NCKAP1: variants seen among roughly 807,000 people sequenced by gnomAD.
The protein encoded by NCKAP1 is NCK associated protein 1, also known as nck-associated protein 1.
A neutral mutation model predicts 151.2 loss-of-function variants in NCKAP1; 21 were observed. That is an observed-to-expected ratio of 0.14 (90% CI 0.10 to 0.20). The LOEUF (loss-of-function observed/expected upper bound fraction) is 0.20, where lower values mean the gene tolerates loss of function less well. Among genes scored for constraint, NCKAP1 ranks in the 10% least tolerant of loss-of-function variants. NCKAP1 has a pLI of 1.00. For synonymous variants in NCKAP1, 484 were observed against 451.8 expected (o/e 1.07, Z -0.90); for missense variants, 933 against 1,352.1 (o/e 0.69, Z 4.86).
In NCKAP1 at chr2:182,952,799, T is replaced by C; in HGVS notation, c.2497A>G (p.Ile833Val). The change falls in exon 22 of 31, where the codon ATA (isoleucine) becomes GTA (valine). Residue 833 changes from isoleucine to valine, a missense_variant. Coordinates refer to ENST00000361354, the MANE Select transcript of NCKAP1 (RefSeq NM_013436.5). ...LTFNAEEYSDISEMRSLSELL... is the reference protein window; with the variant it reads ...LTFNAEEYSDVSEMRSLSELL... The stretch of plus-strand genomic sequence containing the variant: ...GTGGTATAGTACTATTCACCTGATA[T>C]GTCAGAATATTCCTCTGCATTGAAT... The C allele has an allele frequency of 1.2e-6, 2 of 1,604,386 alleles. No individual in the cohort carries two copies. Among genetic ancestry groups the C allele is most frequent in the Non-Finnish European group, 1.7e-6 (2 of 1,175,946 alleles).
chr2:182,971,135 C>T (rs1697678946), intron 15 of NCKAP1, among the ~76,000 whole-genome samples: 1 of 152,068 alleles, frequency 6.6e-6, no homozygotes, highest in Non-Finnish European at 1.5e-5. Context: ...TGGCTCACGC[C>T]TGTAATCCCA....
intron 2 of NCKAP1, among the ~76,000 whole-genome samples, chr2:183,017,079 T>A (rs564181069): frequency 5.9e-5 from 9 of 152,104 alleles, no homozygotes; most frequent in Non-Finnish European, 1.3e-4. Context: ...ATGTTCCATA[T>A]TGGATAAAAA....
chr2:182,990,335 G>A (rs141641406), intron 8 of NCKAP1, among the ~76,000 whole-genome samples: 118 of 152,060 alleles, frequency 7.8e-4, no homozygotes, highest in African/African-American at 2.7e-3. Context: ...ACTGCACCTG[G>A]TCCATATGCT....
intron 2 of NCKAP1, among the ~76,000 whole-genome samples, chr2:183,014,631 TAAAAG>T (rs1698649854): frequency 6.6e-6 from 1 of 152,146 alleles, no homozygotes. Context: ...CTACGAAGAA[TAAAAG>T]AAAGTAAGTA....
chr2:183,015,241 T>C (rs1334803306), intron 2 of NCKAP1, among the ~76,000 whole-genome samples: 1 of 152,148 alleles, frequency 6.6e-6, no homozygotes, highest in Non-Finnish European at 1.5e-5. Flanking sequence ...AAAATAGATG[T>C]GTTTTGGGAT....
At chr2:182,935,266 G>A (rs768915279) in intron 25 of NCKAP1, 27 bp downstream of exon 25, 22 of 1,414,212 alleles carry the variant, frequency 1.6e-5, no homozygotes, top group East Asian at 2.4e-5. Context: ...TTTGGATACC[G>A]AGTATATACT....
At chr2:182,988,077 G>A (rs939390920) in intron 9 of NCKAP1, among the ~76,000 whole-genome samples, 3 of 152,070 alleles carry the variant, frequency 2.0e-5, no homozygotes, top group Non-Finnish European at 2.9e-5. Flanking sequence ...AAAAGTACTC[G>A]GGAAGAAAAG....
Position 182,942,174 on chromosome 2 carries a change from A to G in NCKAP1, c.2602-11T>C. On this transcript the variant is annotated splice_polypyrimidine_tract_variant and intron_variant, in intron 23 of 30. Coordinates refer to ENST00000361354, the MANE Select transcript of NCKAP1 (RefSeq NM_013436.5). ...CTCCACCACAAGTTTCTAAAAAAAA[A>G]AGAAAGATCCTAGGTCAGGCACAGA... 1 of 1,606,990 alleles carries G rather than the reference A, an allele frequency of 6.2e-7. No homozygotes were observed. The highest frequency in any genetic ancestry group is 8.5e-7 in the Non-Finnish European group (1 of 1,175,480).
At position 182,964,865 on chromosome 2, in the gene NCKAP1, T is replaced by C. The variant is rs1349442332; in HGVS notation, c.1629-57A>G. 11 of 1,374,558 alleles carry C rather than the reference T, an allele frequency of 8.0e-6. No homozygotes were observed. In the South Asian group the frequency reaches 1.1e-4, roughly 14 times the overall value. 85.1% of individuals were successfully genotyped at this position (1,374,558 alleles called of 1,614,324 possible). A position where few individuals can be genotyped will look rare whatever the true frequency, so the allele number is the denominator to read the frequency against. On this transcript the variant is annotated intron_variant, in intron 16 of 30. Transcript: ENST00000361354. ...TACATTTAAAGTAAGTTTTCTGATA[T>C]AGTACCTTACAGTTAATTTGATTCA...
At chr2:183,012,956 C>T (rs1177727990) in intron 2 of NCKAP1, among the ~76,000 whole-genome samples, 4 of 151,802 alleles carry the variant, frequency 2.6e-5, no homozygotes, top group Non-Finnish European at 5.9e-5. Context: ...CTTTAAATGG[C>T]CCATCATTAT....
At chr2:182,955,056 T>C (rs1697297173) in intron 20 of NCKAP1, among the ~76,000 whole-genome samples, 1 of 152,172 alleles carries the variant, frequency 6.6e-6, no homozygotes, top group African/African-American at 2.4e-5. Context: ...TTCTAGGGCA[T>C]TCTGGGTTTT....
Position 182,957,441 on chromosome 2 carries a change from A to AT in NCKAP1, c.2021+15dup. On this transcript the variant is annotated intron_variant, in intron 19 of 30. Transcript: ENST00000361354. ...TTTACCTGGAGCAAAAAGGTATAAT[A>AT]TAAGTGGATACTTACTTGGTCACAA... 1 of 1,606,878 alleles carries AT rather than the reference A, an allele frequency of 6.2e-7. No individual in the cohort carries two copies. The highest frequency in any genetic ancestry group is 8.5e-7 in the Non-Finnish European group (1 of 1,178,114).
intron 2 of NCKAP1, 69 bp downstream of exon 2, chr2:183,023,737 C>T: frequency 1.6e-6 from 2 of 1,216,810 alleles, no homozygotes; most frequent in East Asian, 2.3e-5. Flanking sequence ...CTACTATAAG[C>T]ACTGTGTTGA....
chr2:182,914,151 G>A lies in NCKAP1; in HGVS notation c.*11551C>T, dbSNP rs535872965. On this transcript the variant is annotated 3_prime_UTR_variant, in exon 31 of 31. Coordinates refer to ENST00000361354, the MANE Select transcript of NCKAP1 (RefSeq NM_013436.5). Reference sequence around the variant, plus strand: ...CTTAAATGAAGTTATAGTTAGGGCAGGTAATCGTAGACAAGACTAGTTAAA... The same window carrying A: ...CTTAAATGAAGTTATAGTTAGGGCAAGTAATCGTAGACAAGACTAGTTAAA... 3.9e-5 allele frequency: 6 copies of A among 152,322 alleles called. No individual in the cohort carries two copies. Among genetic ancestry groups the A allele is most frequent in the African/African-American group, 1.4e-4 (6 of 41,576 alleles). The allele number at this position is 152,322 out of a possible 1,614,324, so 9.4% of individuals were successfully genotyped here. A position where few individuals can be genotyped will look rare whatever the true frequency, so the allele number is the denominator to read the frequency against.
At chr2:182,926,974 T>C (rs901465638) in intron 29 of NCKAP1, 69 bp from the exon 30 acceptor site, 2 of 1,024,788 alleles carry the variant, frequency 2.0e-6, no homozygotes, top group South Asian at 1.4e-5. Context: ...ATTTTAGGTA[T>C]GTTTCAACTT....
At chr2:183,019,104 A>G (rs757876984) in intron 2 of NCKAP1, among the ~76,000 whole-genome samples, 3 of 152,222 alleles carry the variant, frequency 2.0e-5, no homozygotes, top group Admixed American at 6.5e-5. Flanking sequence ...TAGAATCCCT[A>G]TATCACTCCT....
intron 26 of NCKAP1, among the ~76,000 whole-genome samples, chr2:182,932,664 G>GTT (rs984383123): frequency 6.9e-6 from 1 of 145,570 alleles, no homozygotes. Flanking sequence ...GTTTTTTGTT[G>GTT]TTTTTTTTTT....
At position 182,916,803 on chromosome 2, in the gene NCKAP1, T is replaced by C. The variant is rs1347742199; in HGVS notation, c.*8899A>G. ...ATATAAAAATATAGTATAACATACA[T>C]ATAGTATAGAGCAGTCTTAAAATTA... On this transcript the variant is annotated 3_prime_UTR_variant, in exon 31 of 31. Coordinates refer to ENST00000361354, the MANE Select transcript of NCKAP1 (RefSeq NM_013436.5). 6.6e-6 allele frequency: 1 copy of C among 152,184 alleles called. No individual in the cohort carries two copies. The highest frequency in any genetic ancestry group is 6.5e-5 in the Admixed American group (1 of 15,282). 9.4% of individuals were successfully genotyped at this position (152,184 alleles called of 1,614,324 possible). A position where few individuals can be genotyped will look rare whatever the true frequency, so the allele number is the denominator to read the frequency against.
At chr2:182,999,732 C>T (rs1698342288) in intron 6 of NCKAP1, among the ~76,000 whole-genome samples, 1 of 151,962 alleles carries the variant, frequency 6.6e-6, no homozygotes, top group Non-Finnish European at 1.5e-5. Flanking sequence ...TTCACAATAG[C>T]AAAGACATGG....
Sources: allele counts gnomAD v4.1 joint callset (sites outside exome capture counted in the v4.1 genomes callset), GRCh38; gene constraint gnomAD v4.1.1; transcripts MANE v1.5; gene names NCBI Gene and HGNC (gene_info 2026-07-23, HGNC 2026-07-21).